Variants in HACD2 observed in about 807,000 individuals in gnomAD.
HACD2 encodes very-long-chain (3R)-3-hydroxyacyl-CoA dehydratase 2.
Under a neutral mutation model 31.0 loss-of-function variants are expected in HACD2, and 15 were observed. The observed-to-expected ratio is 0.48, with a 90% confidence interval of 0.32 to 0.75. The LOEUF is 0.75. Ranked by LOEUF, HACD2 falls within the 30% of genes least tolerant of loss-of-function variation. The pLI, the probability that HACD2 is intolerant of heterozygous loss-of-function variation, is 0.03. For missense variants in HACD2, 283 were observed against 313.0 expected (o/e 0.90, Z 0.72); for synonymous variants, 115 against 122.2 (o/e 0.94, Z 0.39).
chr3:123,496,891 T>C (rs2055839719), intron 6 of HACD2, among the ~76,000 whole-genome samples: 1 of 152,188 alleles, frequency 6.6e-6, no homozygotes, highest in Non-Finnish European at 1.5e-5. Context: ...CTGGAAGTCA[T>C]GCATTAAGCC....
At chr3:123,498,709 T>C (rs2055865414) in intron 6 of HACD2, among the ~76,000 whole-genome samples, 1 of 152,164 alleles carries the variant, frequency 6.6e-6, no homozygotes, top group African/African-American at 2.4e-5. Flanking sequence ...CCAAAAAGGT[T>C]GTGGGGACTG....
chr3:123,545,738 G>A (rs1266483642), intron 3 of HACD2, among the ~76,000 whole-genome samples: 3 of 145,482 alleles, frequency 2.1e-5, no homozygotes, highest in Non-Finnish European at 4.5e-5. Context: ...TTTGGAGACA[G>A]TCTCCCTTTG....
chr3:123,571,961 A>G (rs1172530429), intron 2 of HACD2, among the ~76,000 whole-genome samples: 1 of 152,254 alleles, frequency 6.6e-6, no homozygotes, highest in Non-Finnish European at 1.5e-5. Context: ...AGATATGCAG[A>G]AGCCAAGGAG....
intron 3 of HACD2, among the ~76,000 whole-genome samples, chr3:123,553,235 T>C (rs1428689933): frequency 6.6e-6 from 1 of 152,190 alleles, no homozygotes; most frequent in Admixed American, 6.5e-5. Context: ...CAGAGTTTTA[T>C]GATAAAAAGA....
rs1559941371 is a variant in HACD2, at chr3:123,584,957, T to TCCCCGGCCCCGGCCCTGCCACCGCCGC, written c.44_70dup (p.Gly15_Gly23dup). ...CTTCTTCTTCCGCGTGCCGCTGGCG[T>TCCCCGGCCCCGGCCCTGCCACCGCCGC]CCCCGGCCCCGGCCCTGCCACCGCC... On this transcript the variant is annotated inframe_insertion, in exon 1 of 7. Coordinates refer to ENST00000383657, the MANE Select transcript of HACD2 (RefSeq NM_198402.5). 1.4e-5 allele frequency: 22 copies of TCCCCGGCCCCGGCCCTGCCACCGCCGC among 1,527,688 alleles called. No homozygotes were observed. Among genetic ancestry groups the TCCCCGGCCCCGGCCCTGCCACCGCCGC allele is most frequent in the Non-Finnish European group, 1.8e-5 (20 of 1,137,666 alleles). 94.6% of individuals were successfully genotyped at this position (1,527,688 alleles called of 1,614,324 possible).
chr3:123,583,474 G>C (rs528759763), intron 1 of HACD2, among the ~76,000 whole-genome samples: 10 of 152,182 alleles, frequency 6.6e-5, no homozygotes, highest in Non-Finnish European at 7.4e-5. Context: ...GTGATATAAA[G>C]CTTGTATCTG....
chr3:123,525,270 G>A (rs1255951181), intron 4 of HACD2, among the ~76,000 whole-genome samples: 1 of 152,188 alleles, frequency 6.6e-6, no homozygotes, highest in African/African-American at 2.4e-5. Flanking sequence ...TCAAGGAAAA[G>A]CATGTGAGCA....
At chr3:123,514,336 T>TGG (rs1340605387) in intron 4 of HACD2, among the ~76,000 whole-genome samples, 2 of 152,008 alleles carry the variant, frequency 1.3e-5, no homozygotes, top group African/African-American at 4.8e-5. Context: ...TGCCAATAAT[T>TGG]GGGGAATCTG....
In HACD2 at chr3:123,494,230, G is replaced by A. The variant is rs1196255142; in HGVS notation, c.*658C>T. On this transcript the variant is annotated 3_prime_UTR_variant, in exon 7 of 7. Transcript: ENST00000383657. Reference sequence around the variant, plus strand: ...ACACATACTTATTAGATTCAAGCACGTTTCTTAGTGGCAGGCAGTAATGAC... The same window carrying A: ...ACACATACTTATTAGATTCAAGCACATTTCTTAGTGGCAGGCAGTAATGAC... 2.0e-5 allele frequency: 3 copies of A among 152,502 alleles called. No homozygotes were observed. Among genetic ancestry groups the A allele is most frequent in the South Asian group, 2.1e-4 (1 of 4,844 alleles). 9.4% of individuals were successfully genotyped at this position (152,502 alleles called of 1,614,324 possible). A position where few individuals can be genotyped will look rare whatever the true frequency, so the allele number is the denominator to read the frequency against.
At chr3:123,554,683 C>A (rs949380548) in intron 3 of HACD2, among the ~76,000 whole-genome samples, 1 of 152,090 alleles carries the variant, frequency 6.6e-6, no homozygotes, top group African/African-American at 2.4e-5. Context: ...GATTTTCAAA[C>A]TGGCTCACAA....
chr3:123,562,953 C>T (rs2056750660), intron 3 of HACD2, among the ~76,000 whole-genome samples: 1 of 152,172 alleles, frequency 6.6e-6, no homozygotes, highest in Admixed American at 6.5e-5. Flanking sequence ...CTAGAAACAG[C>T]TTACTCCTTA....
At chr3:123,548,424 T>C (rs1328419533) in intron 3 of HACD2, among the ~76,000 whole-genome samples, 1 of 152,086 alleles carries the variant, frequency 6.6e-6, no homozygotes, top group Non-Finnish European at 1.5e-5. Context: ...GCCAACACTT[T>C]GACCGCAACT....
chr3:123,513,578 A>G (rs1286728840), intron 4 of HACD2, among the ~76,000 whole-genome samples: 4 of 152,160 alleles, frequency 2.6e-5, no homozygotes, highest in African/African-American at 9.7e-5. Flanking sequence ...ACACAAGGCC[A>G]TGAGGGACAG....
intron 2 of HACD2, among the ~76,000 whole-genome samples, chr3:123,581,108 C>T (rs536624235): frequency 2.0e-5 from 3 of 152,286 alleles, no homozygotes; most frequent in East Asian, 3.9e-4. Flanking sequence ...GCGTGAGCCA[C>T]CGTGCCCAGC....
At chr3:123,503,708 C>CAAA (rs398038348) in intron 4 of HACD2, among the ~76,000 whole-genome samples, 15,971 of 97,064 alleles carry the variant, frequency 0.16, 1,523 homozygotes, top group East Asian at 0.39. Flanking sequence ...TTCCATGCAT[C>CAAA]AAAAAAAAAA....
chr3:123,522,348 A>AAG (rs940313046), intron 4 of HACD2, among the ~76,000 whole-genome samples: 100 of 149,974 alleles, frequency 6.7e-4, no homozygotes, highest in African/African-American at 1.6e-3. Context: ...AAAAAAAAAA[A>AAG]AGAGAGAGAG....
intron 4 of HACD2, among the ~76,000 whole-genome samples, chr3:123,521,313 A>G (rs1333357304): frequency 9.9e-5 from 15 of 152,110 alleles, no homozygotes. Context: ...GCAGAGGGAG[A>G]GGAAGAAGTT....
chr3:123,506,788 C>A (rs1341088139), intron 4 of HACD2, among the ~76,000 whole-genome samples: 1 of 152,062 alleles, frequency 6.6e-6, no homozygotes, highest in Non-Finnish European at 1.5e-5. Context: ...AAGTGGGGAG[C>A]CTCCTTTCTG....
intron 3 of HACD2, among the ~76,000 whole-genome samples, chr3:123,565,699 G>A (rs1462272222): frequency 1.3e-5 from 2 of 152,190 alleles, no homozygotes; most frequent in African/African-American, 4.8e-5. Flanking sequence ...ACAGCTGAAG[G>A]TTAAGAGAGT....
Sources: gnomAD v4.1 joint callset for allele counts (sites outside exome capture counted in the v4.1 genomes callset) on GRCh38, gnomAD v4.1.1 for gene constraint, MANE v1.5 for transcripts, NCBI Gene and HGNC (gene_info 2026-07-23, HGNC 2026-07-21) for gene names.